The following SDK1 variants were observed in gnomAD, a reference collection of about 807,000 sequenced individuals.
SDK1 encodes the protein sidekick cell adhesion molecule 1.
SDK1 carries 157 observed loss-of-function variants against 245.5 expected under a neutral mutation model. The ratio of observed to expected loss-of-function variants is 0.64; its 90% confidence interval spans 0.56 to 0.73. The LOEUF (loss-of-function observed/expected upper bound fraction) is 0.73. SDK1 is among the 30% of genes least tolerant of loss of function. The pLI is 0.00. For missense variants in SDK1, 3,583 were observed against 3,002.3 expected (o/e 1.19, Z -4.52); for synonymous variants, 1,647 against 1,278.5 (o/e 1.29, Z -6.15).
intron 4 of SDK1, among the ~76,000 whole-genome samples, chr7:3,775,793 G>T (rs901768317): frequency 6.6e-6 from 1 of 151,754 alleles, no homozygotes; most frequent in Non-Finnish European, 1.5e-5. Flanking sequence ...AGCCAGGATG[G>T]TCTCGATCTC....
intron 4 of SDK1, among the ~76,000 whole-genome samples, chr7:3,645,451 T>C (rs1282199476): frequency 6.6e-6 from 1 of 152,184 alleles, no homozygotes; most frequent in East Asian, 1.9e-4. Context: ...TAAATCAGTA[T>C]GGATATGTGT....
chr7:3,517,030 T>TA (rs1782777462), intron 1 of SDK1, among the ~76,000 whole-genome samples: 1 of 152,206 alleles, frequency 6.6e-6, no homozygotes, highest in Non-Finnish European at 1.5e-5. Flanking sequence ...ATTAGGGTTA[T>TA]AAGCAAACAT....
chr7:3,716,347 C>T (rs1785201380), intron 4 of SDK1, among the ~76,000 whole-genome samples: 1 of 151,896 alleles, frequency 6.6e-6, no homozygotes, highest in Non-Finnish European at 1.5e-5. Flanking sequence ...TTTGAAGACA[C>T]TTAAACTTCT....
intron 22 of SDK1, among the ~76,000 whole-genome samples, chr7:4,107,383 G>A (rs1315366354): frequency 1.3e-5 from 2 of 152,146 alleles, no homozygotes; most frequent in Admixed American, 6.5e-5. Context: ...CGTGAGCCAC[G>A]TGCGCCCTGA....
intron 4 of SDK1, among the ~76,000 whole-genome samples, chr7:3,648,089 A>G (rs548114341): frequency 6.6e-6 from 1 of 152,372 alleles, no homozygotes; most frequent in Non-Finnish European, 1.5e-5. Flanking sequence ...TGCATATCAA[A>G]GATGAGCTTA....
rs528289865 is a variant in SDK1, at chr7:3,339,928, A to G, written c.298+38044A>G. On this transcript the variant is annotated intron_variant, in intron 1 of 44. Coordinates refer to ENST00000404826, the MANE Select transcript of SDK1 (RefSeq NM_152744.4). ...AAATCATAAAAAGTTATTTCTTTGA[A>G]AAGATCAATGAAATTTAGCAAGACT... 5.9e-4 allele frequency among the ~76,000 whole-genome samples: 90 copies of G among 152,224 alleles called. 2 individuals are homozygous for G. In the South Asian group the frequency reaches 0.018, roughly 31 times the overall value.
chr7:3,580,489 T>C (rs1375857780), intron 1 of SDK1, among the ~76,000 whole-genome samples: 2 of 152,054 alleles, frequency 1.3e-5, no homozygotes, highest in Non-Finnish European at 2.9e-5. Flanking sequence ...GATAAGGCCA[T>C]CACACCTAGA....
At chr7:3,837,367 G>A (rs1280264730) in intron 5 of SDK1, among the ~76,000 whole-genome samples, 4 of 152,128 alleles carry the variant, frequency 2.6e-5, no homozygotes, top group Non-Finnish European at 5.9e-5. Flanking sequence ...ATGTGGCCAT[G>A]CTAGGACCCC....
chr7:3,450,764 G>T (rs1188794091), intron 1 of SDK1, among the ~76,000 whole-genome samples: 1 of 152,110 alleles, frequency 6.6e-6, no homozygotes, highest in East Asian at 1.9e-4. Flanking sequence ...TGGTATTTTA[G>T]TCATGGGAGT....
intron 1 of SDK1, among the ~76,000 whole-genome samples, chr7:3,395,796 G>C (rs1781881900): frequency 6.6e-6 from 1 of 151,720 alleles, no homozygotes; most frequent in Admixed American, 6.6e-5. Context: ...ATATTTCTTT[G>C]TCTTTCTAAT....
intron 4 of SDK1, among the ~76,000 whole-genome samples, chr7:3,668,449 C>T (rs930761417): frequency 6.6e-6 from 1 of 152,200 alleles, no homozygotes; most frequent in Non-Finnish European, 1.5e-5. Flanking sequence ...GTTCCAAGGA[C>T]AAACATACAG....
chr7:3,620,067 A>G (rs966595657), intron 2 of SDK1, among the ~76,000 whole-genome samples: 2 of 152,182 alleles, frequency 1.3e-5, no homozygotes, highest in African/African-American at 4.8e-5. Context: ...CATCGCTGCC[A>G]TGCTTTTCTT....
intron 1 of SDK1, among the ~76,000 whole-genome samples, chr7:3,304,607 G>A (rs892998357): frequency 6.6e-6 from 1 of 152,286 alleles, no homozygotes; most frequent in African/African-American, 2.4e-5. Context: ...TGGTTCTCCA[G>A]CTTTGGTATG....
intron 4 of SDK1, among the ~76,000 whole-genome samples, chr7:3,685,417 G>A (rs1784250616): frequency 6.6e-6 from 1 of 152,160 alleles, no homozygotes; most frequent in Admixed American, 6.5e-5. Context: ...TGACAGAAAG[G>A]TAGGAAAAGA....
chr7:3,939,937 G>A (rs181124907), intron 5 of SDK1, among the ~76,000 whole-genome samples: 3 of 152,338 alleles, frequency 2.0e-5, no homozygotes, highest in Non-Finnish European at 4.4e-5. Flanking sequence ...AAGTGTCACG[G>A]AGCTGTCTTC....
chr7:4,198,313 G>T (rs564979982), intron 35 of SDK1, among the ~76,000 whole-genome samples: 1 of 152,218 alleles, frequency 6.6e-6, no homozygotes, highest in Non-Finnish European at 1.5e-5. Context: ...ACCCCTGACA[G>T]CTGTAGGGTT....
intron 1 of SDK1, among the ~76,000 whole-genome samples, chr7:3,384,014 G>A (rs898680060): frequency 6.6e-6 from 1 of 152,068 alleles, no homozygotes; most frequent in Non-Finnish European, 1.5e-5. Context: ...TAGAACTACT[G>A]AGGTTTTACT....
intron 1 of SDK1, among the ~76,000 whole-genome samples, chr7:3,491,437 C>T (rs1290724627): frequency 6.6e-6 from 1 of 152,224 alleles, no homozygotes; most frequent in Non-Finnish European, 1.5e-5. Flanking sequence ...GAGCTGTAAA[C>T]AGTGCAGTTG....
chr7:3,608,040 C>T lies in SDK1; in HGVS notation c.299-11040C>T, dbSNP rs190427855. On this transcript the variant is annotated intron_variant, in intron 1 of 44. Coordinates refer to ENST00000404826, the MANE Select transcript of SDK1 (RefSeq NM_152744.4). ...CTTTTGGCAACGATTTAAAAGCAGT[C>T]GTGAGAAAACTTCTGGCACCTGAGC... Among the ~76,000 whole-genome samples the T allele has an allele frequency of 2.2e-4, 33 of 152,282 alleles. No homozygotes were observed. In the South Asian group the frequency reaches 2.9e-3, roughly 13 times the overall value.
Sources: gnomAD v4.1 joint callset for allele counts (sites outside exome capture counted in the v4.1 genomes callset) on GRCh38, gnomAD v4.1.1 for gene constraint, MANE v1.5 for transcripts, NCBI Gene and HGNC (gene_info 2026-07-23, HGNC 2026-07-21) for gene names.